The following ADAMTSL1 variants were observed in gnomAD, a reference collection of about 807,000 sequenced individuals.
ADAMTSL1 encodes the protein ADAMTS-like protein 1.
ADAMTSL1 carries 126 observed loss-of-function variants against 201.8 expected under a neutral mutation model. The observed-to-expected ratio is 0.62, with a 90% CI of 0.54 to 0.72. The LOEUF (loss-of-function observed/expected upper bound fraction) is 0.72, where lower values mean the gene tolerates loss of function less well. Ranked by LOEUF, ADAMTSL1 falls within the 30% of genes least tolerant of loss-of-function variation. The probability of loss-of-function intolerance (pLI) is 0.00; values close to 1 mark genes in which losing one functional copy is unlikely to be tolerated. For missense variants in ADAMTSL1, 2,679 were observed against 2,277.8 expected, an observed-to-expected ratio of 1.18 and a Z score of -3.59; for synonymous variants, 1,121 against 903.4, an observed-to-expected ratio of 1.24 and a Z score of -4.32.
At position 18,777,364 on chromosome 9, in the gene ADAMTSL1, G is replaced by C; in HGVS notation, c.3135G>C (p.Gln1045His). The C allele has an allele frequency of 6.2e-7, 1 of 1,602,562 alleles. No individual in the cohort carries two copies. Among genetic ancestry groups the C allele is most frequent in the Non-Finnish European group, 8.5e-7 (1 of 1,175,192 alleles). ...AGCTGCTGGCCTCGTGGGAGGCGCA[G>C]GACTCTGCGGAAAGGAACACGACCT... ...PGELLASWEA[Q>H]DSAERNTTSE... Residue 1045 changes from glutamine to histidine, a missense_variant, in exon 19 of 29, where the codon CAG becomes CAC. By Grantham distance (24) the Gln-to-His change is conservative. Transcript: ENST00000380548.
At chr9:17,920,394 C>T (rs1265553711) in intron 1 of ADAMTSL1, among the ~76,000 whole-genome samples, 1 of 152,144 alleles carries the variant, frequency 6.6e-6, no homozygotes, top group Non-Finnish European at 1.5e-5. Context: ...TTCATAGATT[C>T]CTCAACCTCC....
Position 18,892,411 on chromosome 9 carries a change from G to C in ADAMTSL1, c.4666G>C (p.Ala1556Pro). Reference sequence around the variant, plus strand: ...CAGGTGGATGGTGACCTCCTGGTCTGCCTGTACCCGGAGCTGTGGGGGAGG... The same window carrying C: ...CAGGTGGATGGTGACCTCCTGGTCTCCCTGTACCCGGAGCTGTGGGGGAGG... Reference protein sequence around the residue: ...PSRWMVTSWSACTRSCGGGVQ... With the variant: ...PSRWMVTSWSPCTRSCGGGVQ... The change falls in exon 26 of 29, where the codon GCC (alanine) becomes CCC (proline). Residue 1556 changes from alanine to proline, a missense_variant. Transcript: ENST00000380548. 3 of 1,613,342 alleles carry C rather than the reference G, an allele frequency of 1.9e-6. No homozygotes were observed. Among genetic ancestry groups the C allele is most frequent in the Non-Finnish European group, 1.7e-6 (2 of 1,179,750 alleles).
At chr9:18,026,128 C>G (rs968634311) in intron 1 of ADAMTSL1, among the ~76,000 whole-genome samples, 6 of 151,922 alleles carry the variant, frequency 3.9e-5, no homozygotes, top group African/African-American at 1.4e-4. Context: ...TTAGAGTTTT[C>G]TAGGTGTGGA....
At chr9:18,793,433 T>C (rs530527846) in intron 19 of ADAMTSL1, among the ~76,000 whole-genome samples, 5 of 152,234 alleles carry the variant, frequency 3.3e-5, no homozygotes, top group African/African-American at 1.2e-4. Context: ...GAGGAAAGAA[T>C]TGTATAGTGG....
intron 20 of ADAMTSL1, among the ~76,000 whole-genome samples, chr9:18,811,795 C>G (rs1169513667): frequency 6.6e-6 from 1 of 152,136 alleles, no homozygotes; most frequent in Non-Finnish European, 1.5e-5. Context: ...GGCATAGAGA[C>G]TGGAAACAAA....
At chr9:18,589,982 T>C (rs1823801866) in intron 4 of ADAMTSL1, among the ~76,000 whole-genome samples, 1 of 152,128 alleles carries the variant, frequency 6.6e-6, no homozygotes, top group Non-Finnish European at 1.5e-5. Context: ...TTTTGTGGAG[T>C]ATTTTTCCAC....
rs1039750225 is a variant in ADAMTSL1 at position 18,359,628 on chromosome 9, A to G, written c.208-145201A>G. ...TACAGTAATTCCCATTAAGGAAATG[A>G]CTGCTTTCTTCTGCACCAAGATTGT... On this transcript the variant is annotated intron_variant, in intron 2 of 29. Coordinates refer to the ADAMTSL1 transcript ENST00000680146. Among the ~76,000 whole-genome samples the G allele has an allele frequency of 3.9e-5, 6 of 152,308 alleles. No homozygotes were observed. The East Asian group carries it at 1.2e-3, about 29-fold the overall frequency.
chr9:18,373,619 A>G (rs566724438), intron 2 of ADAMTSL1, among the ~76,000 whole-genome samples: 17 of 65,630 alleles, frequency 2.6e-4, no homozygotes, highest in Non-Finnish European at 5.1e-4. Flanking sequence ...TTCTAAACCC[A>G]ACGGAGATTT....
At chr9:18,252,095 G>A (rs1329102649) in intron 2 of ADAMTSL1, among the ~76,000 whole-genome samples, 1 of 152,014 alleles carries the variant, frequency 6.6e-6, no homozygotes, top group African/African-American at 2.4e-5. Flanking sequence ...TAAATTGGAT[G>A]ATATAGTATA....
At chr9:18,757,253 T>A (rs1299190689) in intron 16 of ADAMTSL1, among the ~76,000 whole-genome samples, 4 of 152,190 alleles carry the variant, frequency 2.6e-5, no homozygotes, top group Non-Finnish European at 5.9e-5. Flanking sequence ...TTTATGTGCA[T>A]GTAGTCCTCT....
intron 2 of ADAMTSL1, among the ~76,000 whole-genome samples, chr9:18,372,439 T>C (rs1012305373): frequency 6.6e-6 from 1 of 152,136 alleles, no homozygotes; most frequent in Non-Finnish European, 1.5e-5. Context: ...GACCACCTTA[T>C]GAGAAGTACA....
intron 4 of ADAMTSL1, among the ~76,000 whole-genome samples, chr9:18,602,412 GC>G (rs1292431388): frequency 6.6e-6 from 1 of 152,212 alleles, no homozygotes; most frequent in Non-Finnish European, 1.5e-5. Context: ...ATTTTGTGGG[GC>G]TATAAGAAAT....
chr9:18,092,208 T>C (rs1824053421), intron 1 of ADAMTSL1, among the ~76,000 whole-genome samples: 1 of 152,014 alleles, frequency 6.6e-6, no homozygotes, highest in African/African-American at 2.4e-5. Flanking sequence ...CTCAAGACAG[T>C]TGGGGAAGAC....
chr9:18,062,607 A>G (rs911773493), intron 1 of ADAMTSL1, among the ~76,000 whole-genome samples: 4 of 152,174 alleles, frequency 2.6e-5, no homozygotes, highest in South Asian at 2.1e-4. Context: ...ATAAGAAATC[A>G]TTCTGGACAG....
intron 11 of ADAMTSL1, 111 bp from the exon 12 acceptor site, chr9:18,681,701 G>GC: frequency 2.1e-6 from 1 of 470,096 alleles, no homozygotes; most frequent in Non-Finnish European, 3.1e-6. Context: ...CTCGTGTGGG[G>GC]GGGGGGGGCG....
chr9:18,346,890 A>G (rs943982036), intron 2 of ADAMTSL1, among the ~76,000 whole-genome samples: 7 of 152,196 alleles, frequency 4.6e-5, no homozygotes, highest in Admixed American at 4.6e-4. Flanking sequence ...ATGATCTGTC[A>G]GACAATGGAA....
chr9:17,939,468 CTT>C (rs1273054156), intron 1 of ADAMTSL1, among the ~76,000 whole-genome samples: 1 of 151,904 alleles, frequency 6.6e-6, no homozygotes, highest in East Asian at 1.9e-4. Flanking sequence ...TCATTAGTGT[CTT>C]TTCATCTCAT....
At chr9:18,681,702 G>GGGGT (rs1830493678) in intron 11 of ADAMTSL1, 110 bp from the exon 12 acceptor site, 6 of 507,858 alleles carry the variant, frequency 1.2e-5, no homozygotes, top group South Asian at 3.9e-5. Flanking sequence ...TCGTGTGGGG[G>GGGGT]GGGGGGGCGG....
intron 6 of ADAMTSL1, among the ~76,000 whole-genome samples, 177 bp downstream of exon 6, chr9:18,636,194 G>C (rs1455787694): frequency 6.6e-6 from 1 of 152,162 alleles, no homozygotes; most frequent in East Asian, 1.9e-4. Context: ...AGAAACCCCT[G>C]TAGTAATTAT....
Sources: gnomAD v4.1 joint callset for allele counts (sites outside exome capture counted in the v4.1 genomes callset) on GRCh38, gnomAD v4.1.1 for gene constraint, MANE v1.5 for transcripts, NCBI Gene and HGNC (gene_info 2026-07-23, HGNC 2026-07-21) for gene names.